The following NEK11 variants were observed in gnomAD, a reference collection of about 807,000 sequenced individuals.
The protein encoded by NEK11 is serine/threonine-protein kinase Nek11.
NEK11 carries 72 observed loss-of-function variants against 80.7 expected under a neutral mutation model. The observed-to-expected ratio is 0.89, with a 90% CI of 0.74 to 1.08. NEK11 has a LOEUF of 1.08. NEK11 is among the 50% of genes least tolerant of loss of function. The pLI is 0.00. For missense variants in NEK11, 764 were observed against 763.6 expected, an observed-to-expected ratio of 1.00 and a Z score of -0.01; for synonymous variants, 251 against 260.7, an observed-to-expected ratio of 0.96 and a Z score of 0.36.
chr3:131,258,270 T>A (rs2095853230), intron 16 of NEK11, among the ~76,000 whole-genome samples: 1 of 151,998 alleles, frequency 6.6e-6, no homozygotes, highest in Non-Finnish European at 1.5e-5. Flanking sequence ...CTAAAGAACT[T>A]ATCCATATAG....
At chr3:131,191,260 G>C (rs1426578285) in intron 14 of NEK11, among the ~76,000 whole-genome samples, 2 of 152,130 alleles carry the variant, frequency 1.3e-5, no homozygotes, top group Non-Finnish European at 2.9e-5. Context: ...TACAGCTCTG[G>C]AGATTAAAAG....
Position 131,069,259 on chromosome 3 carries a change from C to T in NEK11, c.171-11164C>T, listed in dbSNP as rs937135326. 2.6e-5 allele frequency among the ~76,000 whole-genome samples: 4 copies of T among 152,250 alleles called. No individual in the cohort carries two copies. The East Asian group carries it at 7.7e-4, about 29-fold the overall frequency. ...TACTCAAGGAAATGGAGCTAATCAG[C>T]TTTTGTTGCTTCTTAAAACTCAATT... On this transcript the variant is annotated intron_variant, in intron 3 of 17. Coordinates refer to ENST00000383366, the MANE Select transcript of NEK11 (RefSeq NM_024800.5).
chr3:131,337,381 C>T (rs1004555546), intron 17 of NEK11, among the ~76,000 whole-genome samples: 15 of 151,758 alleles, frequency 9.9e-5, no homozygotes, highest in South Asian at 4.2e-4. Flanking sequence ...CACCAAACAC[C>T]GCATGTTCTC....
intron 17 of NEK11, among the ~76,000 whole-genome samples, chr3:131,335,819 C>A (rs543760151): frequency 1.3e-5 from 2 of 152,124 alleles, no homozygotes; most frequent in Non-Finnish European, 2.9e-5. Flanking sequence ...TCTTATACAT[C>A]AATAACAGAC....
intron 17 of NEK11, among the ~76,000 whole-genome samples, chr3:131,304,666 T>C (rs1382744013): frequency 2.0e-5 from 3 of 152,172 alleles, no homozygotes; most frequent in African/African-American, 7.2e-5. Flanking sequence ...CTGAGCTGTG[T>C]GCTCTAACTC....
chr3:131,252,161 G>A (rs538794569), intron 16 of NEK11, among the ~76,000 whole-genome samples: 9 of 152,112 alleles, frequency 5.9e-5, no homozygotes, highest in Admixed American at 3.3e-4. Flanking sequence ...AACAGGATCC[G>A]GGGACAATTT....
chr3:131,043,316 A>C (rs1367447118), intron 3 of NEK11, among the ~76,000 whole-genome samples: 1 of 152,228 alleles, frequency 6.6e-6, no homozygotes, highest in Non-Finnish European at 1.5e-5. Flanking sequence ...AACTCCTCCG[A>C]GCTAAAGGAG....
rs563980184 is a variant in NEK11, at chr3:131,130,613, T to A, written c.456-2132T>A. 7.9e-5 allele frequency among the ~76,000 whole-genome samples: 12 copies of A among 152,334 alleles called. No individual in the cohort carries two copies. The South Asian group carries it at 2.5e-3, about 32-fold the overall frequency. On this transcript the variant is annotated intron_variant, in intron 5 of 17. Transcript: ENST00000383366. ...TGTTTCTAGTTTATCAGAGTTATTG[T>A]CATGAATGGGTATTGGATTTTGTCA...
chr3:131,144,309 G>A (rs1320741874), intron 7 of NEK11, among the ~76,000 whole-genome samples: 1 of 152,084 alleles, frequency 6.6e-6, no homozygotes, highest in African/African-American at 2.4e-5. Context: ...ACAGTTGTCT[G>A]TATTTTGGAA....
At chr3:131,204,680 A>G (rs1189653244) in intron 14 of NEK11, among the ~76,000 whole-genome samples, 1 of 150,978 alleles carries the variant, frequency 6.6e-6, no homozygotes, top group Non-Finnish European at 1.5e-5. Context: ...TTTTTTTTTT[A>G]AATAAATAGT....
intron 17 of NEK11, among the ~76,000 whole-genome samples, chr3:131,293,077 T>G (rs745952619): frequency 2.6e-5 from 4 of 152,172 alleles, no homozygotes; most frequent in Non-Finnish European, 5.9e-5. Flanking sequence ...TATATATTTA[T>G]TTCCTTTTTT....
chr3:131,272,463 CTTTTTTTTTTT>C (rs869304359), intron 16 of NEK11, among the ~76,000 whole-genome samples: 15 of 43,902 alleles, frequency 3.4e-4, no homozygotes, highest in East Asian at 9.4e-4. Context: ...GTTTTAGCTT[CTTTTTTTTTTT>C]TTTTTTTTTT....
At chr3:131,279,855 C>A (rs996474863) in intron 17 of NEK11, among the ~76,000 whole-genome samples, 1 of 152,190 alleles carries the variant, frequency 6.6e-6, no homozygotes, top group Non-Finnish European at 1.5e-5. Flanking sequence ...GTCACAGGCA[C>A]CTCACTAGCA....
intron 5 of NEK11, among the ~76,000 whole-genome samples, chr3:131,130,406 C>T (rs2149562040): frequency 6.6e-6 from 1 of 151,962 alleles, no homozygotes; most frequent in African/African-American, 2.4e-5. Flanking sequence ...TTTTCCTTTC[C>T]CATCTCTATT....
intron 5 of NEK11, among the ~76,000 whole-genome samples, chr3:131,127,280 A>T: frequency 6.6e-6 from 1 of 151,428 alleles, no homozygotes. Flanking sequence ...TATGTTTTTA[A>T]TCTTTTTTTC....
At chr3:131,322,357 C>T (rs1196311843) in intron 17 of NEK11, among the ~76,000 whole-genome samples, 3 of 151,954 alleles carry the variant, frequency 2.0e-5, no homozygotes, top group Non-Finnish European at 4.4e-5. Context: ...TCTGGGTGAT[C>T]GGGCCATTCA....
intron 16 of NEK11, among the ~76,000 whole-genome samples, chr3:131,255,618 T>C (rs2095801915): frequency 6.6e-6 from 1 of 152,154 alleles, no homozygotes; most frequent in Non-Finnish European, 1.5e-5. Flanking sequence ...TTCACACTTC[T>C]GAGCTTTCAC....
chr3:131,079,769 G>A (rs554428474), intron 3 of NEK11, among the ~76,000 whole-genome samples: 36 of 152,078 alleles, frequency 2.4e-4, no homozygotes, highest in African/African-American at 8.0e-4. Flanking sequence ...GTTAAATACT[G>A]GTAGTAATGA....
In NEK11 at chr3:131,151,804, T is replaced by C. The variant is rs989378381; in HGVS notation, c.648-584T>C. On this transcript the variant is annotated intron_variant, in intron 7 of 17. Transcript: ENST00000383366. Reference sequence around the variant, plus strand: ...AAATCAGTGTTGGACTTATCTAGAATTTTAATATTCTGTTTCATACTCACC... The same window carrying C: ...AAATCAGTGTTGGACTTATCTAGAACTTTAATATTCTGTTTCATACTCACC... Among the ~76,000 whole-genome samples the C allele has an allele frequency of 2.0e-5, 3 of 152,062 alleles. No homozygotes were observed. The South Asian group carries it at 6.2e-4, about 32-fold the overall frequency.
Sources: gnomAD v4.1 joint callset for allele counts (sites outside exome capture counted in the v4.1 genomes callset) on GRCh38, gnomAD v4.1.1 for gene constraint, MANE v1.5 for transcripts, NCBI Gene and HGNC (gene_info 2026-07-23, HGNC 2026-07-21) for gene names.